SUPT3H: variants seen among roughly 807,000 people sequenced by gnomAD.
SUPT3H encodes the protein SPT3 homolog, SAGA and STAGA complex component.
SUPT3H carries 44 observed loss-of-function variants against 44.3 expected under a neutral mutation model. That is an observed-to-expected ratio of 0.99 (90% CI 0.78 to 1.28). The LOEUF (loss-of-function observed/expected upper bound fraction) is 1.28, where lower values mean the gene tolerates loss of function less well. Among genes scored for constraint, SUPT3H ranks in the 50% most tolerant of loss-of-function variants. SUPT3H has a pLI of 0.00. For synonymous variants in SUPT3H, 124 were observed against 125.6 expected, an observed-to-expected ratio of 0.99 and a Z score of 0.09; for missense variants, 380 against 387.1, an observed-to-expected ratio of 0.98 and a Z score of 0.15.
intron 2 of SUPT3H, among the ~76,000 whole-genome samples, chr6:45,254,486 CAT>C (rs1773002659): frequency 6.6e-6 from 1 of 152,076 alleles, no homozygotes; most frequent in Admixed American, 6.6e-5. Flanking sequence ...CACACACACA[CAT>C]TAGTATACAG....
At chr6:45,035,991 T>G (rs576650372) in intron 3 of SUPT3H, among the ~76,000 whole-genome samples, 2 of 152,172 alleles carry the variant, frequency 1.3e-5, no homozygotes, top group South Asian at 4.2e-4. Context: ...AAACTGAATC[T>G]ACTATTATAA....
chr6:45,252,729 A>G (rs1772597253), intron 2 of SUPT3H, among the ~76,000 whole-genome samples: 1 of 152,220 alleles, frequency 6.6e-6, no homozygotes, highest in Non-Finnish European at 1.5e-5. Flanking sequence ...CATTAAAAGA[A>G]TATTTTCTAC....
At chr6:44,958,746 A>G (rs1351299743) in intron 7 of SUPT3H, among the ~76,000 whole-genome samples, 2 of 152,074 alleles carry the variant, frequency 1.3e-5, no homozygotes, top group African/African-American at 2.4e-5. Flanking sequence ...CCAACTAAAC[A>G]ATCATTTAAG....
At chr6:44,904,605 T>C (rs568793631) in intron 10 of SUPT3H, among the ~76,000 whole-genome samples, 1 of 152,300 alleles carries the variant, frequency 6.6e-6, no homozygotes, top group East Asian at 1.9e-4. Context: ...CAAGGTAATT[T>C]ATAGATTCAA....
chr6:44,914,324 T>A (rs551444134), intron 10 of SUPT3H, among the ~76,000 whole-genome samples: 1 of 152,318 alleles, frequency 6.6e-6, no homozygotes, highest in South Asian at 2.1e-4. Context: ...CAGTGCTGAA[T>A]GAGGTGCAGA....
chr6:45,073,284 C>T (rs956173326), intron 3 of SUPT3H, among the ~76,000 whole-genome samples: 1 of 152,002 alleles, frequency 6.6e-6, no homozygotes, highest in African/African-American at 2.4e-5. Context: ...CTTGAGAATT[C>T]ATTAATCAAA....
intron 2 of SUPT3H, among the ~76,000 whole-genome samples, chr6:45,175,483 C>A (rs1584027285): frequency 6.6e-6 from 1 of 152,242 alleles, no homozygotes; most frequent in South Asian, 2.1e-4. Context: ...CCTGGTCTCT[C>A]CCTTCACACG....
intron 2 of SUPT3H, among the ~76,000 whole-genome samples, chr6:45,170,992 A>C (rs1029174883): frequency 6.6e-6 from 1 of 152,204 alleles, no homozygotes; most frequent in African/African-American, 2.4e-5. Flanking sequence ...AGTGATATCA[A>C]AATGCTATGA....
intron 2 of SUPT3H, among the ~76,000 whole-genome samples, chr6:45,186,317 A>C (rs903273065): frequency 6.6e-6 from 1 of 152,232 alleles, no homozygotes; most frequent in African/African-American, 2.4e-5. Flanking sequence ...CAACCAACAG[A>C]TGTCAAAACT....
chr6:45,311,426 A>G (rs1326155592), intron 2 of SUPT3H, among the ~76,000 whole-genome samples: 1 of 152,222 alleles, frequency 6.6e-6, no homozygotes, highest in Non-Finnish European at 1.5e-5. Context: ...CAGCCTTGCT[A>G]GAGACCTAGA....
At chr6:44,965,473 A>G (rs1290025772) in intron 6 of SUPT3H, among the ~76,000 whole-genome samples, 1 of 152,212 alleles carries the variant, frequency 6.6e-6, no homozygotes, top group African/African-American at 2.4e-5. Flanking sequence ...AAGGGAGTTC[A>G]TGAAATCAGA....
At chr6:45,127,915 G>A (rs1020701045) in intron 2 of SUPT3H, among the ~76,000 whole-genome samples, 10 of 152,114 alleles carry the variant, frequency 6.6e-5, no homozygotes, top group Non-Finnish European at 2.9e-5. Flanking sequence ...ATCATAGGGT[G>A]AATTTTTAAA....
chr6:44,864,951 A>C (rs547869424), intron 10 of SUPT3H, among the ~76,000 whole-genome samples: 1 of 152,344 alleles, frequency 6.6e-6, no homozygotes, highest in South Asian at 2.1e-4. Context: ...GTCAGGCTGC[A>C]AACTTTTATG....
chr6:44,915,690 C>T (rs544805140), intron 10 of SUPT3H, among the ~76,000 whole-genome samples: 9 of 152,328 alleles, frequency 5.9e-5, no homozygotes, highest in Admixed American at 5.9e-4. Context: ...TCCACAACCT[C>T]TTATTGTAAC....
intron 10 of SUPT3H, among the ~76,000 whole-genome samples, chr6:44,886,161 G>A (rs1000628911): frequency 6.6e-6 from 1 of 152,162 alleles, no homozygotes; most frequent in African/African-American, 2.4e-5. Flanking sequence ...GAAAGTGACG[G>A]GGGAGAATGG....
chr6:45,023,159 T>C (rs1424311190), intron 3 of SUPT3H, among the ~76,000 whole-genome samples: 7 of 151,068 alleles, frequency 4.6e-5, no homozygotes, highest in Non-Finnish European at 1.0e-4. Flanking sequence ...CAACAAGCAT[T>C]TGAAAAAAAA....
chr6:45,102,966 T>C (rs1171929671), intron 3 of SUPT3H, among the ~76,000 whole-genome samples: 1 of 151,156 alleles, frequency 6.6e-6, no homozygotes, highest in East Asian at 1.9e-4. Flanking sequence ...AAAAAGATGT[T>C]CAAAGAATTA....
At chr6:45,131,102 T>C (rs1007491481) in intron 2 of SUPT3H, among the ~76,000 whole-genome samples, 1 of 152,082 alleles carries the variant, frequency 6.6e-6, no homozygotes, top group Non-Finnish European at 1.5e-5. Flanking sequence ...TGCTATCCTC[T>C]CCATGATCCT....
chr6:45,215,416 C>T (rs1466500802), intron 2 of SUPT3H, among the ~76,000 whole-genome samples: 1 of 151,890 alleles, frequency 6.6e-6, no homozygotes, highest in Non-Finnish European at 1.5e-5. Flanking sequence ...CAATGAGATA[C>T]AAGGGAATAC....
Sources: allele counts gnomAD v4.1 joint callset (sites outside exome capture counted in the v4.1 genomes callset), GRCh38; gene constraint gnomAD v4.1.1; transcripts MANE v1.5; gene names NCBI Gene and HGNC (gene_info 2026-07-23, HGNC 2026-07-21).